CLMN: variants seen among roughly 807,000 people sequenced by gnomAD.
CLMN encodes calmin (calponin-like, transmembrane).
Under a neutral mutation model 92.7 loss-of-function variants are expected in CLMN, and 57 were observed. The ratio of observed to expected loss-of-function variants is 0.61; its 90% CI spans 0.50 to 0.77. The LOEUF (loss-of-function observed/expected upper bound fraction) is 0.77, where lower values mean the gene tolerates loss of function less well. Among genes scored for constraint, CLMN ranks in the 30% least tolerant of loss-of-function variants. The pLI, the probability that CLMN is intolerant of heterozygous loss-of-function variation, is 0.00. For missense variants in CLMN, 1,158 were observed against 1,237.5 expected, an observed-to-expected ratio of 0.94 and a Z score of 0.96; for synonymous variants, 466 against 470.6, an observed-to-expected ratio of 0.99 and a Z score of 0.13.
chr14:95,268,229 G>A (rs1428567050), intron 1 of CLMN, among the ~76,000 whole-genome samples: 1 of 152,090 alleles, frequency 6.6e-6, no homozygotes, highest in Non-Finnish European at 1.5e-5. Flanking sequence ...GCCCCGGTTT[G>A]ATCATTATAC....
At chr14:95,318,147 A>G (rs1901876987) in intron 1 of CLMN, among the ~76,000 whole-genome samples, 1 of 152,182 alleles carries the variant, frequency 6.6e-6, no homozygotes, top group Non-Finnish European at 1.5e-5. Context: ...TGCACGAAGC[A>G]TTGGTTAGTA....
chr14:95,195,707 C>T (rs1476367192), intron 10 of CLMN, among the ~76,000 whole-genome samples: 6 of 152,212 alleles, frequency 3.9e-5, no homozygotes, highest in Non-Finnish European at 8.8e-5. Context: ...GGCACAGTCC[C>T]ACCAATGTGT....
chr14:95,188,346 A>G lies in CLMN; in HGVS notation c.*3218T>C, dbSNP rs1896486665. On this transcript the variant is annotated 3_prime_UTR_variant, in exon 13 of 13. Coordinates refer to ENST00000298912, the MANE Select transcript of CLMN (RefSeq NM_024734.4). ...AGACCACAATCATTAACGTCCACAGAGAGACAAAATCTGCATCCACGCATC... is the reference window on the plus strand; with the variant it reads ...AGACCACAATCATTAACGTCCACAGGGAGACAAAATCTGCATCCACGCATC... The G allele has an allele frequency of 1.3e-5, 2 of 152,268 alleles. No individual in the cohort carries two copies. The allele number at this position is 152,268 out of a possible 1,614,324, so 9.4% of individuals were successfully genotyped here. A position where few individuals can be genotyped will look rare whatever the true frequency, so the allele number is the denominator to read the frequency against.
chr14:95,235,952 GGC>G (rs1898040553), intron 1 of CLMN, among the ~76,000 whole-genome samples: 1 of 152,120 alleles, frequency 6.6e-6, no homozygotes, highest in East Asian at 1.9e-4. Context: ...CAGCATGGGG[GGC>G]AAAAAGCCCA....
At chr14:95,260,302 C>T (rs1169750470) in intron 1 of CLMN, among the ~76,000 whole-genome samples, 2 of 151,980 alleles carry the variant, frequency 1.3e-5, no homozygotes, top group Non-Finnish European at 2.9e-5. Flanking sequence ...ATTAGCTGGG[C>T]GAGGTGGCGG....
intron 9 of CLMN, among the ~76,000 whole-genome samples, chr14:95,198,523 T>C (rs1031870314): frequency 2.0e-5 from 3 of 151,846 alleles, no homozygotes; most frequent in African/African-American, 7.2e-5. Flanking sequence ...TGGGAGCAAA[T>C]TGCAAGGTGG....
At chr14:95,309,045 C>T (rs900940566) in intron 1 of CLMN, among the ~76,000 whole-genome samples, 3 of 152,182 alleles carry the variant, frequency 2.0e-5, no homozygotes, top group East Asian at 1.9e-4. Context: ...GGGCTAATCC[C>T]GCGTTCAGTC....
In CLMN at chr14:95,183,565, T is replaced by C. The variant is rs939656142; in HGVS notation, c.*7999A>G. ...ATTTTAATTACACTGCCCTCAGGCCTTCTCTACTTTTCTTTTTGAAGGAGA... is the reference window on the plus strand; with the variant it reads ...ATTTTAATTACACTGCCCTCAGGCCCTCTCTACTTTTCTTTTTGAAGGAGA... On this transcript the variant is annotated 3_prime_UTR_variant, in exon 13 of 13. Transcript: ENST00000298912. 2 of 152,364 alleles carry C rather than the reference T, an allele frequency of 1.3e-5. No homozygotes were observed. Among genetic ancestry groups the C allele is most frequent in the East Asian group, 3.9e-4 (2 of 5,190 alleles). The allele number at this position is 152,364 out of a possible 1,614,324, so 9.4% of individuals were successfully genotyped here. A position where few individuals can be genotyped will look rare whatever the true frequency, so the allele number is the denominator to read the frequency against.
intron 1 of CLMN, among the ~76,000 whole-genome samples, chr14:95,260,805 T>G (rs1016396723): frequency 1.3e-5 from 2 of 152,188 alleles, no homozygotes; most frequent in African/African-American, 2.4e-5. Flanking sequence ...ATTGTCCAAA[T>G]GAAATACAGT....
At chr14:95,197,821 G>T (rs766513641) in intron 9 of CLMN, among the ~76,000 whole-genome samples, 3 of 151,958 alleles carry the variant, frequency 2.0e-5, no homozygotes, top group African/African-American at 7.3e-5. Flanking sequence ...GCATTAGAGC[G>T]GCCAGGCCAT....
chr14:95,233,899 A>C (rs983396079), intron 1 of CLMN, among the ~76,000 whole-genome samples: 6 of 152,314 alleles, frequency 3.9e-5, no homozygotes, highest in East Asian at 3.9e-4. Flanking sequence ...AGCAAAGCTG[A>C]CCCACAGAGG....
rs746570921 is a variant in CLMN at position 95,196,517 on chromosome 14, C to A, written c.2689G>T (p.Asp897Tyr). The change falls in exon 10 of 13, where the codon GAC becomes TAC. Residue 897 changes from aspartate (D) to tyrosine (Y), a missense_variant. Physicochemically the swap from Asp to Tyr is radical, Grantham distance 160. Transcript: ENST00000298912. ...AAATACCTGGAAGGAATGCTGTAGT[C>A]GCTACTGTCTTCTTCTAGGTCATCT... ...SSDDLEEDSS[D>Y]YSIPSRTSHS... 1 of 1,611,574 alleles carries A rather than the reference C, an allele frequency of 6.2e-7. No homozygotes were observed. Among genetic ancestry groups the A allele is most frequent in the Non-Finnish European group, 8.5e-7 (1 of 1,179,402 alleles).
chr14:95,182,144 T>G lies in CLMN; in HGVS notation c.*9420A>C, dbSNP rs1037791709. On this transcript the variant is annotated 3_prime_UTR_variant, in exon 13 of 13. Coordinates refer to ENST00000298912, the MANE Select transcript of CLMN (RefSeq NM_024734.4). ...ATCAATAAATAAGACGGCACATTCA[T>G]ATATTGTTTATAAAGATCTTTTTTT... 1 of 152,270 alleles carries G rather than the reference T, an allele frequency of 6.6e-6. No homozygotes were observed. The highest frequency in any genetic ancestry group is 2.4e-5 in the African/African-American group (1 of 41,470). 9.4% of individuals were successfully genotyped at this position (152,270 alleles called of 1,614,324 possible).
chr14:95,252,580 C>A (rs1331526434), intron 1 of CLMN, among the ~76,000 whole-genome samples: 2 of 152,098 alleles, frequency 1.3e-5, no homozygotes, highest in African/African-American at 4.8e-5. Flanking sequence ...CTACGAAGGA[C>A]CTTAGTGTGG....
At chr14:95,248,648 G>C (rs758873006) in intron 1 of CLMN, among the ~76,000 whole-genome samples, 14 of 152,170 alleles carry the variant, frequency 9.2e-5, no homozygotes, top group Non-Finnish European at 1.8e-4. Flanking sequence ...CCACCTTGGA[G>C]GGTCCCTCTG....
rs142594002 is a variant in CLMN, at chr14:95,212,512, C to T, written c.608+707G>A. On this transcript the variant is annotated intron_variant, in intron 6 of 12. Transcript: ENST00000298912. ...CGGAACTTGGCTCCAGTTCCCGTCT[C>T]GATTTTGGAAGGTCCGACCTAACTT... 1.5e-3 allele frequency among the ~76,000 whole-genome samples: 226 copies of T among 152,244 alleles called. 1 individual carries two copies. The highest frequency in any genetic ancestry group is 5.2e-3 in the African/African-American group (218 of 41,530).
chr14:95,309,232 A>C (rs2140793973), intron 1 of CLMN, among the ~76,000 whole-genome samples: 1 of 152,316 alleles, frequency 6.6e-6, no homozygotes, highest in Middle Eastern at 3.4e-3. Context: ...AAAAGTCGGA[A>C]ACTGTCTATA....
chr14:95,302,966 C>T (rs1470298097), intron 1 of CLMN, among the ~76,000 whole-genome samples: 1 of 152,132 alleles, frequency 6.6e-6, no homozygotes, highest in South Asian at 2.1e-4. Context: ...ATCATTTCAG[C>T]GGTGCTGGAG....
intron 3 of CLMN, among the ~76,000 whole-genome samples, chr14:95,222,152 G>A (rs191136259): frequency 3.0e-4 from 45 of 152,186 alleles, no homozygotes; most frequent in Non-Finnish European, 5.6e-4. Flanking sequence ...TGTTCCCTTC[G>A]CTAAGCGGCT....
Sources: allele counts gnomAD v4.1 joint callset (sites outside exome capture counted in the v4.1 genomes callset), GRCh38; gene constraint gnomAD v4.1.1; transcripts MANE v1.5; gene names NCBI Gene and HGNC (gene_info 2026-07-23, HGNC 2026-07-21).